The following ACAP3 variants were observed in gnomAD, a reference collection of about 807,000 sequenced individuals.
ACAP3 encodes ArfGAP with coiled-coil, ankyrin repeat and PH domains 3, also known as arf-GAP with coiled-coil, ANK repeat and PH domain-containing protein 3.
In ACAP3, 56 loss-of-function variants were observed where a neutral mutation model predicts 104.1. The observed-to-expected ratio is 0.54, with a 90% CI of 0.43 to 0.67. The LOEUF is 0.67. Among genes scored for constraint, ACAP3 ranks in the 30% least tolerant of loss-of-function variants. ACAP3 has a pLI of 0.00. For missense variants in ACAP3, 1,208 were observed against 1,174.9 expected, an observed-to-expected ratio of 1.03 and a Z score of -0.41; for synonymous variants, 628 against 496.2, an observed-to-expected ratio of 1.27 and a Z score of -3.53.
Position 1,293,249 on chromosome 1 carries a change from G to A in ACAP3, c.*315C>T, listed in dbSNP as rs1235494523. ...AGGACACAGGGACACAGGTGACACG[G>A]GCCTTAAAAGTGGCTTGTGACATGA... On this transcript the variant is annotated 3_prime_UTR_variant, in exon 24 of 24. Transcript: ENST00000354700. 1.0e-5 allele frequency: 2 copies of A among 200,656 alleles called. No homozygotes were observed. The highest frequency in any genetic ancestry group is 4.7e-5 in the African/African-American group (2 of 42,546). 12.4% of individuals were successfully genotyped at this position (200,656 alleles called of 1,614,324 possible).
chr1:1,294,856 C>A, intron 19 of ACAP3, 40 bp from the exon 20 acceptor site: 1 of 1,540,764 alleles, frequency 6.5e-7, no homozygotes, highest in East Asian at 2.4e-5. Context: ...GGGTGGGAGG[C>A]CCAGACTCCG....
rs1388963411 is a variant in ACAP3, at chr1:1,303,176, C to T, written c.211G>A (p.Asp71Asn). The T allele has an allele frequency of 2.5e-6, 4 of 1,603,540 alleles. No homozygotes were observed. The highest frequency in any genetic ancestry group is 2.2e-5 in the East Asian group (1 of 44,450). Residue 71 changes from aspartate (D) to asparagine (N), a missense_variant, in exon 3 of 24, where the codon GAC (aspartate) becomes AAC (asparagine). Asp to Asn is a conservative substitution (Grantham distance 23, BLOSUM62 1). Coordinates refer to ENST00000354700, the MANE Select transcript of ACAP3 (RefSeq NM_030649.3). The surrounding 1 kb of genome is among the most constrained non-coding windows in gnomAD (Gnocchi z 4.0). Reference sequence around the variant, plus strand: ...CGGCCCCTCACCGAGATGACGGTGTCGCCCTGGCACTGCTGGGACAGGTCG... The same window carrying T: ...CGGCCCCTCACCGAGATGACGGTGTTGCCCTGGCACTGCTGGGACAGGTCG... ...VRDLSQQCQG[D>N]TVISECLQRF... is the part of the protein sequence containing the mutation.
intron 1 of ACAP3, among the ~76,000 whole-genome samples, chr1:1,307,561 G>A (rs1027442811): frequency 2.0e-5 from 3 of 152,296 alleles, no homozygotes; most frequent in Admixed American, 6.5e-5. Flanking sequence ...CCTCCACCCG[G>A]GGCGGCCGCA....
Position 1,304,216 on chromosome 1 carries a change from C to T in ACAP3, c.48-73G>A. ...CTCGGGGCTTCACCTCCCCCCGCAC[C>T]TCCCTGAGGGGCTCCACCATGGGAA... is the stretch of plus-strand genomic sequence containing the variant. On this transcript the variant is annotated intron_variant, in intron 1 of 23. Coordinates refer to ENST00000354700, the MANE Select transcript of ACAP3 (RefSeq NM_030649.3). 9 of 1,516,376 alleles carry T rather than the reference C, an allele frequency of 5.9e-6. No individual in the cohort carries two copies. The Admixed American group carries it at 7.9e-5, about 13-fold the overall frequency. The allele number at this position is 1,516,376 out of a possible 1,614,324, so 93.9% of individuals were successfully genotyped here. A position where few individuals can be genotyped will look rare whatever the true frequency, so the allele number is the denominator to read the frequency against.
At position 1,295,573 on chromosome 1, in the gene ACAP3, T is replaced by A. The variant is rs1641095279; in HGVS notation, c.1706-19A>T. Reference sequence around the variant, plus strand: ...GTGCCCACTGCAGGGGCAGTGCGTGTTCAGAGTGTGGAACAGGCCCGGGGT... The same window carrying A: ...GTGCCCACTGCAGGGGCAGTGCGTGATCAGAGTGTGGAACAGGCCCGGGGT... On this transcript the variant is annotated intron_variant, in intron 18 of 23. Transcript: ENST00000354700. 1 of 1,610,250 alleles carries A rather than the reference T, an allele frequency of 6.2e-7. No individual in the cohort carries two copies. Among genetic ancestry groups the A allele is most frequent in the African/African-American group, 1.3e-5 (1 of 74,828 alleles).
rs997711775 is a variant in ACAP3, at chr1:1,302,517, G to A, written c.279+405C>T. Reference sequence around the variant, plus strand: ...TGAGCCATCCTGCCTTGTCTACTTCGGGACCTCCTCTGTTCAGTCTGCGGC... The same window carrying A: ...TGAGCCATCCTGCCTTGTCTACTTCAGGACCTCCTCTGTTCAGTCTGCGGC... On this transcript the variant is annotated intron_variant, in intron 4 of 23. Coordinates refer to ENST00000354700, the MANE Select transcript of ACAP3 (RefSeq NM_030649.3). 3.9e-5 allele frequency among the ~76,000 whole-genome samples: 6 copies of A among 152,276 alleles called. No homozygotes were observed. The East Asian group carries it at 1.2e-3, about 29-fold the overall frequency.
At chr1:1,307,393 G>A (rs759125890) in intron 1 of ACAP3, 7 of 1,290,902 alleles carry the variant, frequency 5.4e-6, no homozygotes, top group South Asian at 1.2e-5. Flanking sequence ...TCTGGACACA[G>A]GATCAAGTCA....
chr1:1,296,207 G>A lies in ACAP3; in HGVS notation c.1407+4C>T, dbSNP rs139600717. ...CCCGTGGCCTCCAGGAGCCCCACACGCACCTTTAGCAGCTCAGGCTCCCAC... is the reference window on the plus strand; with the variant it reads ...CCCGTGGCCTCCAGGAGCCCCACACACACCTTTAGCAGCTCAGGCTCCCAC... On this transcript the variant is annotated splice_donor_region_variant and intron_variant, in intron 16 of 23. Coordinates refer to ENST00000354700, the MANE Select transcript of ACAP3 (RefSeq NM_030649.3). The A allele has an allele frequency of 0.055, 86,918 of 1,577,896 alleles. 2,803 individuals are homozygous for A. The highest frequency in any genetic ancestry group is 0.065 in the Non-Finnish European group (75,180 of 1,161,242).
Position 1,297,870 on chromosome 1 carries a change from G to C in ACAP3, c.1080C>G (p.Ala360=). 6.2e-7 allele frequency: 1 copy of C among 1,612,066 alleles called. No homozygotes were observed. The highest frequency in any genetic ancestry group is 8.5e-7 in the Non-Finnish European group (1 of 1,179,544). ...TCTCGCGGTAGGCGGAGGCGATGCT[G>C]GCCTGCACAGCCTGGACCCAGGCTT... is the stretch of plus-strand genomic sequence containing the variant. ...LRQAWVQAVQ[A]SIASAYRESP... is the part of the protein sequence containing the mutation. The change falls in exon 14 of 24, where the codon GCC becomes GCG. Residue 360 remains alanine (A), a synonymous_variant. Coordinates refer to ENST00000354700, the MANE Select transcript of ACAP3 (RefSeq NM_030649.3).
chr1:1,307,304 ATTCAAACCAC>A (rs1467824612), intron 1 of ACAP3: 1 of 1,289,102 alleles, frequency 7.8e-7, no homozygotes, highest in Non-Finnish European at 1.0e-6. Flanking sequence ...CCCCTGGGTC[ATTCAAACCAC>A]TTCACGTTTC....
chr1:1,302,379 C>T (rs1332589286), intron 4 of ACAP3, among the ~76,000 whole-genome samples: 3 of 152,180 alleles, frequency 2.0e-5, no homozygotes, highest in Non-Finnish European at 4.4e-5. Context: ...GCAGGGAGCA[C>T]TCAGCCAGAG....
rs1160931555 is a variant in ACAP3 at position 1,294,546 on chromosome 1, C to G, written c.1995G>C (p.Glu665Asp). ...AEAWGLADVR[E>D]LHPGLLAHRA... ...GGTGCGCCAAGAGCCCCGGGTGCAG[C>G]TCGCGCACGTCCGCCAGGCCCCAGG... is the stretch of plus-strand genomic sequence containing the variant. Residue 665 changes from glutamate (E) to aspartate (D), a missense_variant, in exon 21 of 24, where the codon GAG becomes GAC. Coordinates refer to ENST00000354700, the MANE Select transcript of ACAP3 (RefSeq NM_030649.3). The G allele has an allele frequency of 1.3e-6, 2 of 1,499,408 alleles. No individual in the cohort carries two copies. The highest frequency in any genetic ancestry group is 5.3e-5 in the East Asian group (2 of 37,910). The allele number at this position is 1,499,408 out of a possible 1,614,324, so 92.9% of individuals were successfully genotyped here. A position where few individuals can be genotyped will look rare whatever the true frequency, so the allele number is the denominator to read the frequency against.
intron 1 of ACAP3, chr1:1,307,001 A>C: frequency 2.2e-6 from 1 of 455,926 alleles, no homozygotes; most frequent in South Asian, 1.6e-5. Context: ...AGGCACGCAG[A>C]GGGGCAAAGT....
chr1:1,296,248 G>C lies in ACAP3; in HGVS notation c.1370C>G (p.Ser457Cys), dbSNP rs1403538089. ...AGGCTCCCACGAGTCCAGCGTCAGG[G>C]ACCGCACCTTGGAGCAGTGGACACC... is the stretch of plus-strand genomic sequence containing the variant. ...SLGVHCSKVR[S>C]LTLDSWEPEL... Residue 457 changes from serine (S) to cysteine (C), a missense_variant, in exon 16 of 24, where the codon TCC becomes TGC. Physicochemically the swap from Ser to Cys is moderately radical, Grantham distance 112. Coordinates refer to ENST00000354700, the MANE Select transcript of ACAP3 (RefSeq NM_030649.3). 1 of 1,562,894 alleles carries C rather than the reference G, an allele frequency of 6.4e-7. No homozygotes were observed. The highest frequency in any genetic ancestry group is 1.4e-5 in the African/African-American group (1 of 73,628).
rs1640885119 is a variant in ACAP3 at position 1,292,641 on chromosome 1, GGGA to G, written c.*920_*922del. 6.6e-6 allele frequency: 1 copy of G among 152,334 alleles called. No homozygotes were observed. Among genetic ancestry groups the G allele is most frequent in the African/African-American group, 2.4e-5 (1 of 41,468 alleles). 9.4% of individuals were successfully genotyped at this position (152,334 alleles called of 1,614,324 possible). ...CCTTAGCCTGACCTGCGCTGAGTGG[GGGA>G]GGCCCTGCCTCCCTGCCGGGCACCT... On this transcript the variant is annotated 3_prime_UTR_variant, in exon 24 of 24. Coordinates refer to ENST00000354700, the MANE Select transcript of ACAP3 (RefSeq NM_030649.3).
chr1:1,300,365 GC>G, intron 6 of ACAP3, 143 bp downstream of exon 6: 1 of 1,217,500 alleles, frequency 8.2e-7, no homozygotes, highest in Non-Finnish European at 1.1e-6. Flanking sequence ...GTCCTGGACT[GC>G]TTCCCCATGT....
Position 1,303,932 on chromosome 1 carries a change from A to T in ACAP3, c.105+154T>A. 1 of 877,458 alleles carries T rather than the reference A, an allele frequency of 1.1e-6. No individual in the cohort carries two copies. Among genetic ancestry groups the T allele is most frequent in the Non-Finnish European group, 1.8e-6 (1 of 570,924 alleles). 54.4% of individuals were successfully genotyped at this position (877,458 alleles called of 1,614,324 possible). On this transcript the variant is annotated intron_variant, in intron 2 of 23. Coordinates refer to ENST00000354700, the MANE Select transcript of ACAP3 (RefSeq NM_030649.3). This position sits in a 1 kb window ranked among gnomAD's most constrained non-coding sequence, Gnocchi z 4.0. ...ATGTGACATGTGCACCCTGGAACAC[A>T]CATGCTAAGACACAGGGACCAGGAC...
chr1:1,299,722 G>A (rs1335505551), intron 9 of ACAP3, 109 bp downstream of exon 9: 3 of 1,289,628 alleles, frequency 2.3e-6, no homozygotes, highest in Non-Finnish European at 3.2e-6. Context: ...GGCAGGGCAG[G>A]TGGGAGACAG....
At chr1:1,297,956 C>T (rs369841229) in intron 13 of ACAP3, 23 bp from the exon 14 acceptor site, 53 of 1,610,796 alleles carry the variant, frequency 3.3e-5, no homozygotes, top group Admixed American at 8.4e-5. Context: ...GAGGGGCGGG[C>T]GTCAGCTCCG....
Sources: allele counts gnomAD v4.1 joint callset (sites outside exome capture counted in the v4.1 genomes callset), GRCh38; gene constraint gnomAD v4.1.1; non-coding constraint Gnocchi (gnomAD v3.1); transcripts MANE v1.5; gene names NCBI Gene and HGNC (gene_info 2026-07-23, HGNC 2026-07-21).